Variants in SLC16A6 observed in about 807,000 individuals in gnomAD.
SLC16A6 encodes solute carrier family 16 member 6, also known as monocarboxylate transporter 7.
SLC16A6 carries 15 observed loss-of-function variants against 33.8 expected under a neutral mutation model. The observed-to-expected ratio is 0.44, with a 90% CI of 0.30 to 0.68. The LOEUF (loss-of-function observed/expected upper bound fraction) is 0.68, where lower values mean the gene tolerates loss of function less well. Ranked by LOEUF, SLC16A6 falls within the 30% of genes least tolerant of loss-of-function variation. The pLI is 0.10. For missense variants in SLC16A6, 451 were observed against 661.5 expected (o/e 0.68, Z 3.49); for synonymous variants, 219 against 248.4 (o/e 0.88, Z 1.11).
At chr17:68,274,784 C>CT (rs11342192) in intron 2 of SLC16A6, among the ~76,000 whole-genome samples, 1 of 143,294 alleles carries the variant, frequency 7.0e-6, no homozygotes, top group African/African-American at 2.6e-5. Context: ...TAGTTTCTTT[C>CT]TTTTTTTTTT....
chr17:68,271,043 G>A lies in SLC16A6; in HGVS notation c.1117C>T (p.Leu373=), dbSNP rs781793990. The change falls in exon 5 of 6, where the codon CTG becomes TTG. Residue 373 remains leucine, a synonymous_variant. Transcript: ENST00000580666. This position sits in a 1 kb window ranked among gnomAD's most constrained non-coding sequence, Gnocchi z 5.3. ...LICVILLTVS[L]FAFTFATEFW... is the part of the protein sequence containing the mutation. ...TCAGTAGCAAAAGTAAAGGCAAACA[G>A]AGACACAGTCAATAAGATGACGCAG... The A allele has an allele frequency of 1.7e-5, 27 of 1,614,084 alleles. No individual in the cohort carries two copies. The highest frequency in any genetic ancestry group is 2.7e-5 in the African/African-American group (2 of 74,928).
chr17:68,274,899 G>C (rs2075462276), intron 2 of SLC16A6, among the ~76,000 whole-genome samples: 1 of 151,794 alleles, frequency 6.6e-6, no homozygotes, highest in Non-Finnish European at 1.5e-5. Context: ...TCCTGCCTCA[G>C]CCTCCCAAGT....
intron 1 of SLC16A6, among the ~76,000 whole-genome samples, chr17:68,283,590 G>A (rs1471697856): frequency 6.6e-6 from 1 of 151,864 alleles, no homozygotes; most frequent in Non-Finnish European, 1.5e-5. Flanking sequence ...GGAAGCTGAG[G>A]CGGGTGGATC....
At chr17:68,272,581 A>T in intron 4 of SLC16A6, 58 bp downstream of exon 4, 1 of 1,589,516 alleles carries the variant, frequency 6.3e-7, no homozygotes, top group Non-Finnish European at 8.6e-7. Context: ...GCGTAGCAAG[A>T]ATACCTGAGT....
At chr17:68,282,300 A>G (rs1402275767) in intron 1 of SLC16A6, among the ~76,000 whole-genome samples, 14 of 152,168 alleles carry the variant, frequency 9.2e-5, no homozygotes, top group African/African-American at 3.4e-4. Context: ...GGAATTGAAC[A>G]ATGAGAACAC....
At chr17:68,290,950 C>G (rs2075964774) in intron 1 of SLC16A6, 136 bp downstream of exon 1, 1 of 152,168 alleles carries the variant, frequency 6.6e-6, no homozygotes, top group Non-Finnish European at 1.5e-5. Context: ...TGGGAATAAC[C>G]TCTCCAAAAT....
rs2075961619 is a variant in SLC16A6 at position 68,290,848 on chromosome 17, G to A, written c.-8+238C>T. ...TCTTCCGGGACCCAACTGTACCAGG[G>A]TCACGGACATTCAACTCTCAGCTAC... On this transcript the variant is annotated intron_variant, in intron 1 of 5. Coordinates refer to ENST00000580666, the MANE Select transcript of SLC16A6 (RefSeq NM_004694.5). Among the ~76,000 whole-genome samples, 3 of 152,180 alleles carry A rather than the reference G, an allele frequency of 2.0e-5. No individual in the cohort carries two copies. In the South Asian group the frequency reaches 6.2e-4, roughly 32 times the overall value.
chr17:68,278,045 G>T, intron 2 of SLC16A6, 44 bp downstream of exon 2: 2 of 1,349,090 alleles, frequency 1.5e-6, no homozygotes, highest in Non-Finnish European at 2.1e-6. Flanking sequence ...CAAATTAAAA[G>T]GGCCCTATAC....
In SLC16A6 at chr17:68,267,893, C is replaced by CAA. The variant is rs1407705161; in HGVS notation, c.*1202_*1203insTT. On this transcript the variant is annotated 3_prime_UTR_variant, in exon 6 of 6. Coordinates refer to ENST00000580666, the MANE Select transcript of SLC16A6 (RefSeq NM_004694.5). ...CTATAACATAATTGTCTCTGTTACC[C>CAA]CCATGTGAAATACAGAAATGCTTCA... The CAA allele has an allele frequency of 6.6e-6, 1 of 152,140 alleles. No homozygotes were observed. Among genetic ancestry groups the CAA allele is most frequent in the Non-Finnish European group, 1.5e-5 (1 of 68,018 alleles). 9.4% of individuals were successfully genotyped at this position (152,140 alleles called of 1,614,324 possible). A position where few individuals can be genotyped will look rare whatever the true frequency, so the allele number is the denominator to read the frequency against.
rs111504766 is a variant in SLC16A6, at chr17:68,275,939, C to T, written c.233-1869G>A. On this transcript the variant is annotated intron_variant, in intron 2 of 5. Coordinates refer to ENST00000580666, the MANE Select transcript of SLC16A6 (RefSeq NM_004694.5). ...CGGAGGTTGCAGTGAGCTGAGACCG[C>T]ACCACTGCACTCCAGCCTAGGCAAC... Among the ~76,000 whole-genome samples the T allele has an allele frequency of 3.5e-3, 519 of 150,050 alleles. 4 individuals carry two copies. Among genetic ancestry groups the T allele is most frequent in the African/African-American group, 0.012 (503 of 40,826 alleles).
In SLC16A6 at chr17:68,279,732, C is replaced by G. The variant is rs546892699; in HGVS notation, c.-7-1405G>C. Among the ~76,000 whole-genome samples, 3 of 152,304 alleles carry G rather than the reference C, an allele frequency of 2.0e-5. No homozygotes were observed. In the South Asian group the frequency reaches 6.2e-4, roughly 32 times the overall value. On this transcript the variant is annotated intron_variant, in intron 1 of 5. Transcript: ENST00000580666. The stretch of plus-strand genomic sequence containing the variant: ...TAACTTAAGTCTTCTGGATTGGGCT[C>G]TAGCACATGAATACTGTCTTTTTCA...
At chr17:68,272,561 G>A in intron 4 of SLC16A6, 78 bp downstream of exon 4, 2 of 1,541,310 alleles carry the variant, frequency 1.3e-6, no homozygotes, top group Non-Finnish European at 1.8e-6. Context: ...CATACTGTTG[G>A]CAAAAGTTAG....
intron 3 of SLC16A6, among the ~76,000 whole-genome samples, chr17:68,273,060 G>T (rs570618570): frequency 6.6e-6 from 1 of 151,258 alleles, no homozygotes; most frequent in South Asian, 2.1e-4. Flanking sequence ...ATTATTGCAT[G>T]AAATTTTATA....
chr17:68,285,341 G>A (rs2145163477), intron 1 of SLC16A6, among the ~76,000 whole-genome samples: 1 of 152,336 alleles, frequency 6.6e-6, no homozygotes, highest in Middle Eastern at 3.4e-3. Flanking sequence ...GACGTGGAGT[G>A]CAGTGGCACG....
chr17:68,276,558 C>T (rs782038320), intron 2 of SLC16A6, among the ~76,000 whole-genome samples: 2 of 152,140 alleles, frequency 1.3e-5, no homozygotes, highest in Non-Finnish European at 2.9e-5. Context: ...AAGCAATTCT[C>T]GCTCTGCAGC....
chr17:68,286,340 GA>G (rs2075841604), intron 1 of SLC16A6, among the ~76,000 whole-genome samples: 1 of 152,160 alleles, frequency 6.6e-6, no homozygotes, highest in Non-Finnish European at 1.5e-5. Flanking sequence ...AGCTGAAGGG[GA>G]AAATTGAGGT....
Position 68,268,852 on chromosome 17 carries a change from A to C in SLC16A6, c.*244T>G. On this transcript the variant is annotated 3_prime_UTR_variant, in exon 6 of 6. Coordinates refer to ENST00000580666, the MANE Select transcript of SLC16A6 (RefSeq NM_004694.5). ...ATTGCTACTGAATACAGCCAGATTT[A>C]TATATGGAAGAGTGCTTGGTTGTTT... 1 of 573,902 alleles carries C rather than the reference A, an allele frequency of 1.7e-6. No individual in the cohort carries two copies. The highest frequency in any genetic ancestry group is 2.2e-5 in the South Asian group (1 of 45,314). 35.6% of individuals were successfully genotyped at this position (573,902 alleles called of 1,614,324 possible).
At chr17:68,281,332 C>T (rs2075689136) in intron 1 of SLC16A6, among the ~76,000 whole-genome samples, 1 of 151,912 alleles carries the variant, frequency 6.6e-6, no homozygotes, top group South Asian at 2.1e-4. Context: ...ACTTTGGGAG[C>T]CTGAGGCAGG....
intron 1 of SLC16A6, among the ~76,000 whole-genome samples, chr17:68,279,673 C>G (rs914315808): frequency 3.5e-4 from 53 of 152,314 alleles, no homozygotes; most frequent in African/African-American, 1.1e-3. Flanking sequence ...CCTGTCTTAA[C>G]ACTTCTAAGG....
Sources: gnomAD v4.1 joint callset for allele counts (sites outside exome capture counted in the v4.1 genomes callset) on GRCh38, gnomAD v4.1.1 for gene constraint, Gnocchi (gnomAD v3.1) non-coding constraint, MANE v1.5 for transcripts, NCBI Gene and HGNC (gene_info 2026-07-23, HGNC 2026-07-21) for gene names.